The following EIPR1 variants were observed in gnomAD, a reference collection of about 807,000 sequenced individuals.
The protein encoded by EIPR1 is EARP and GARP complex-interacting protein 1.
A neutral mutation model predicts 48.1 loss-of-function variants in EIPR1; 25 were observed. The observed-to-expected ratio is 0.52, with a 90% confidence interval of 0.38 to 0.73. The LOEUF (loss-of-function observed/expected upper bound fraction) is 0.73, where lower values mean the gene tolerates loss of function less well. Ranked by LOEUF, EIPR1 falls within the 30% of genes least tolerant of loss-of-function variation. The probability of loss-of-function intolerance (pLI) is 0.00; values close to 1 mark genes in which losing one functional copy is unlikely to be tolerated. For synonymous variants in EIPR1, 204 were observed against 201.9 expected (o/e 1.01, Z -0.09); for missense variants, 415 against 506.2 (o/e 0.82, Z 1.73).
intron 3 of EIPR1, among the ~76,000 whole-genome samples, chr2:3,270,907 A>C (rs1224845160): frequency 1.3e-5 from 2 of 152,236 alleles, no homozygotes; most frequent in Non-Finnish European, 2.9e-5. Context: ...ATTTGACAGC[A>C]CTTTATGCAC....
Position 3,192,574 on chromosome 2 carries a change from T to C in EIPR1, c.829A>G (p.Asn277Asp). 6.2e-7 allele frequency: 1 copy of C among 1,610,962 alleles called. No homozygotes were observed. The highest frequency in any genetic ancestry group is 8.5e-7 in the Non-Finnish European group (1 of 1,179,180). ...TCATGAGAGTGGTTGTAGCGGACGT[T>C]CCACACCCTGCAAAGGGCAAGGCAG... ...TLEEHSHWVW[N>D]VRYNHSHDQL... The change falls in exon 8 of 9, where the codon AAC (asparagine) becomes GAC (aspartate). Residue 277 changes from asparagine (N) to aspartate (D), a missense_variant. Coordinates refer to ENST00000382125, the MANE Select transcript of EIPR1 (RefSeq NM_003310.5).
In EIPR1 at chr2:3,338,032, T is replaced by C; in HGVS notation, c.244A>G (p.Thr82Ala). Residue 82 changes from threonine (T) to alanine (A), a missense_variant, in exon 3 of 9, where the codon ACC becomes GCC. Coordinates refer to ENST00000382125, the MANE Select transcript of EIPR1 (RefSeq NM_003310.5). ...ASPADRGVLT[T>A]CYNRTSDSKV... ...CCGCACTTACTTCTGTTGTAGCAGG[T>C]CGTCAGCACACCTCTGTCTGCAGGG... 1 of 1,600,858 alleles carries C rather than the reference T, an allele frequency of 6.2e-7. No individual in the cohort carries two copies. Among genetic ancestry groups the C allele is most frequent in the Non-Finnish European group, 8.5e-7 (1 of 1,176,916 alleles).
intron 3 of EIPR1, among the ~76,000 whole-genome samples, chr2:3,262,841 TCA>T (rs1667375120): frequency 6.6e-6 from 1 of 152,128 alleles, no homozygotes; most frequent in South Asian, 2.1e-4. Context: ...TGAGAAGAGC[TCA>T]GTCATACCCA....
At chr2:3,371,193 G>C (rs1267659218) in intron 1 of EIPR1, among the ~76,000 whole-genome samples, 1 of 152,168 alleles carries the variant, frequency 6.6e-6, no homozygotes, top group Non-Finnish European at 1.5e-5. Flanking sequence ...AATGCTGAGA[G>C]GTTTTGCCAC....
At chr2:3,193,590 C>T (rs890012459) in intron 7 of EIPR1, among the ~76,000 whole-genome samples, 2 of 152,230 alleles carry the variant, frequency 1.3e-5, no homozygotes, top group Non-Finnish European at 2.9e-5. Context: ...CTTCCCACAG[C>T]CACATAGAGA....
chr2:3,341,110 A>AC (rs1364335736), intron 2 of EIPR1, among the ~76,000 whole-genome samples: 1 of 149,404 alleles, frequency 6.7e-6, no homozygotes, highest in Non-Finnish European at 1.5e-5. Flanking sequence ...AAAAAAAAAA[A>AC]AAAAAAAAAA....
chr2:3,352,815 G>A (rs191058306), intron 2 of EIPR1, among the ~76,000 whole-genome samples: 1 of 152,338 alleles, frequency 6.6e-6, no homozygotes, highest in East Asian at 1.9e-4. Context: ...TGGCCAACGT[G>A]GTGAAACCCC....
chr2:3,354,533 T>C lies in EIPR1; in HGVS notation c.126+17A>G. On this transcript the variant is annotated intron_variant, in intron 2 of 8. Coordinates refer to ENST00000382125, the MANE Select transcript of EIPR1 (RefSeq NM_003310.5). ...GGCTTAGTAATTATCATGTATACAT[T>C]TGTCAAAAATAGTTACCTGATTATC... 6.2e-7 allele frequency: 1 copy of C among 1,610,724 alleles called. No individual in the cohort carries two copies. Among genetic ancestry groups the C allele is most frequent in the African/African-American group, 1.3e-5 (1 of 74,966 alleles).
rs150625694 is a variant in EIPR1 at position 3,233,381 on chromosome 2, T to C, written c.417-19133A>G. ...TTTTTCACACAATTGATTCATACAATGAAGCAGTAAGTATCCTGGAGAAAG... is the reference window on the plus strand; with the variant it reads ...TTTTTCACACAATTGATTCATACAACGAAGCAGTAAGTATCCTGGAGAAAG... On this transcript the variant is annotated intron_variant, in intron 4 of 8. Transcript: ENST00000382125. Among the ~76,000 whole-genome samples, 515 of 152,218 alleles carry C rather than the reference T, an allele frequency of 3.4e-3. 5 individuals are homozygous for C. Among genetic ancestry groups the C allele is most frequent in the African/African-American group, 0.012 (494 of 41,536 alleles).
chr2:3,250,494 T>C (rs1666968856), intron 4 of EIPR1, among the ~76,000 whole-genome samples: 1 of 152,184 alleles, frequency 6.6e-6, no homozygotes, highest in South Asian at 2.1e-4. Flanking sequence ...AGACTTTGGA[T>C]TTTTGAGTTG....
At chr2:3,370,002 C>T (rs536541725) in intron 1 of EIPR1, among the ~76,000 whole-genome samples, 109 of 152,282 alleles carry the variant, frequency 7.2e-4, no homozygotes, top group African/African-American at 2.5e-3. Context: ...TAGGGGCAGA[C>T]TGACACCTCA....
chr2:3,206,636 A>T (rs1167068671), intron 5 of EIPR1, among the ~76,000 whole-genome samples: 1 of 152,234 alleles, frequency 6.6e-6, no homozygotes, highest in Non-Finnish European at 1.5e-5. Context: ...TTTGCTACAC[A>T]AAAATCTAAG....
rs1374250952 is a variant in EIPR1 at position 3,246,961 on chromosome 2, G to C, written c.416+10338C>G. ...GGAGGGAGAGAGGGAGGGAGACAGG[G>C]AGAGAGGGGAAGGAGGGAGGGAGGG... On this transcript the variant is annotated intron_variant, in intron 4 of 8. Coordinates refer to ENST00000382125, the MANE Select transcript of EIPR1 (RefSeq NM_003310.5). Among the ~76,000 whole-genome samples the C allele has an allele frequency of 1.2e-3, 66 of 55,098 alleles. 5 individuals are homozygous for C. The highest frequency in any genetic ancestry group is 2.5e-3 in the Admixed American group (13 of 5,268). The allele number at this position is 55,098 out of a possible 152,430, so 36.1% of individuals were successfully genotyped here. A position where few individuals can be genotyped will look rare whatever the true frequency, so the allele number is the denominator to read the frequency against.
intron 3 of EIPR1, among the ~76,000 whole-genome samples, chr2:3,308,416 T>C (rs1453281972): frequency 6.6e-6 from 1 of 151,848 alleles, no homozygotes; most frequent in East Asian, 1.9e-4. Context: ...ATGAGTTCAA[T>C]AGCAGCACAA....
At position 3,316,587 on chromosome 2, in the gene EIPR1, C is replaced by G. The variant is rs915908541; in HGVS notation, c.259+21430G>C. Among the ~76,000 whole-genome samples the G allele has an allele frequency of 9.8e-5, 15 of 152,362 alleles. 1 individual carries two copies. Among genetic ancestry groups the G allele is most frequent in the African/African-American group, 3.6e-4 (15 of 41,586 alleles). On this transcript the variant is annotated intron_variant, in intron 3 of 8. Transcript: ENST00000382125. The stretch of plus-strand genomic sequence containing the variant: ...TCTCCCAACTCACAGGCCACACTCA[C>G]ACGTTCTATGAGACCCATTCCTCAA...
chr2:3,327,430 C>A (rs888216375), intron 3 of EIPR1, among the ~76,000 whole-genome samples: 17 of 152,204 alleles, frequency 1.1e-4, no homozygotes, highest in Non-Finnish European at 2.9e-5. Context: ...GTGATCTGTC[C>A]GCCTTGGCCT....
intron 3 of EIPR1, among the ~76,000 whole-genome samples, chr2:3,313,300 A>T (rs979559052): frequency 2.0e-5 from 3 of 152,228 alleles, no homozygotes; most frequent in African/African-American, 7.2e-5. Flanking sequence ...GGATTCTGAG[A>T]GGCAGAGACC....
At chr2:3,356,397 TA>T (rs1471354282) in intron 1 of EIPR1, among the ~76,000 whole-genome samples, 9 of 152,236 alleles carry the variant, frequency 5.9e-5, no homozygotes, top group Non-Finnish European at 1.3e-4. Context: ...ATATGTTTAA[TA>T]ATTAGAAGAT....
At chr2:3,288,884 A>G (rs192393065) in intron 3 of EIPR1, among the ~76,000 whole-genome samples, 4 of 152,334 alleles carry the variant, frequency 2.6e-5, no homozygotes, top group South Asian at 2.1e-4. Flanking sequence ...GGGCCAGGTG[A>G]TGGCCTCGGC....
Sources: allele counts gnomAD v4.1 joint callset (sites outside exome capture counted in the v4.1 genomes callset), GRCh38; gene constraint gnomAD v4.1.1; transcripts MANE v1.5; gene names NCBI Gene and HGNC (gene_info 2026-07-23, HGNC 2026-07-21).